The following TMEM161A variants were observed in gnomAD, a reference collection of about 807,000 sequenced individuals.
The protein encoded by TMEM161A is transmembrane protein 161A.
Under a neutral mutation model 57.1 loss-of-function variants are expected in TMEM161A, and 46 were observed. That is an observed-to-expected ratio of 0.81 (90% CI 0.64 to 1.03). The LOEUF (loss-of-function observed/expected upper bound fraction) is 1.03. Ranked by LOEUF, TMEM161A falls within the 50% of genes least tolerant of loss-of-function variation. The probability of loss-of-function intolerance (pLI) is 0.00; values close to 1 mark genes in which losing one functional copy is unlikely to be tolerated. For synonymous variants in TMEM161A, 288 were observed against 279.0 expected (o/e 1.03, Z -0.32); for missense variants, 601 against 621.5 (o/e 0.97, Z 0.35).
chr19:19,121,863 G>A lies in TMEM161A; in HGVS notation c.596-44C>T. On this transcript the variant is annotated intron_variant, in intron 6 of 11. Coordinates refer to ENST00000162044, the MANE Select transcript of TMEM161A (RefSeq NM_017814.3). The surrounding 1 kb of genome is among the most constrained non-coding windows in gnomAD (Gnocchi z 5.8). ...GGACCGAGTAGAGTGAATTCCTAGG[G>A]TCTCTAAGGCCACTCTGTTCCCTAA... is the stretch of plus-strand genomic sequence containing the variant. 6.2e-7 allele frequency: 1 copy of A among 1,605,896 alleles called. No individual in the cohort carries two copies. The highest frequency in any genetic ancestry group is 8.5e-7 in the Non-Finnish European group (1 of 1,175,126).
rs576781974 is a variant in TMEM161A, at chr19:19,132,759, G to A, written c.189-5C>T. 2.0e-5 allele frequency: 31 copies of A among 1,529,850 alleles called. No homozygotes were observed. The South Asian group carries it at 3.7e-4, about 18-fold the overall frequency. The allele number at this position is 1,529,850 out of a possible 1,614,324, so 94.8% of individuals were successfully genotyped here. A position where few individuals can be genotyped will look rare whatever the true frequency, so the allele number is the denominator to read the frequency against. On this transcript the variant is annotated splice_region_variant and splice_polypyrimidine_tract_variant and intron_variant, in intron 3 of 11. Transcript: ENST00000162044. The surrounding 1 kb of genome is among the most constrained non-coding windows in gnomAD (Gnocchi z 4.3). The stretch of plus-strand genomic sequence containing the variant: ...TCACTAAGGCCATTGGCCCACCTGG[G>A]AGGATGGTGACAAGCAAGAGGGACG...
chr19:19,121,741 C>A lies in TMEM161A; in HGVS notation c.656+18G>T. ...TCCCAGCCTGCCCTTGCCTCCCTCC[C>A]CCATTCCCAGGACTCACGCCCAGTC... On this transcript the variant is annotated intron_variant, in intron 7 of 11. Transcript: ENST00000162044. The surrounding 1 kb of genome is among the most constrained non-coding windows in gnomAD (Gnocchi z 5.8). 1 of 1,613,948 alleles carries A rather than the reference C, an allele frequency of 6.2e-7. No homozygotes were observed. The highest frequency in any genetic ancestry group is 8.5e-7 in the Non-Finnish European group (1 of 1,179,890).
Position 19,121,622 on chromosome 19 carries a change from C to A in TMEM161A, c.703G>T (p.Gly235Cys). The change falls in exon 8 of 12, where the codon GGC becomes TGC. Residue 235 changes from glycine (G) to cysteine (C), a missense_variant. Coordinates refer to ENST00000162044, the MANE Select transcript of TMEM161A (RefSeq NM_017814.3). This position sits in a 1 kb window ranked among gnomAD's most constrained non-coding sequence, Gnocchi z 5.8. The stretch of plus-strand genomic sequence containing the variant: ...GTGAGGAAGGCACCCAGCACAGAGC[C>A]CACCACTGCCAGTCCCACGCGGATA... The part of the protein sequence containing the change: ...LAIRVGLAVV[G>C]SVLGAFLTFP... 6.2e-7 allele frequency: 1 copy of A among 1,613,978 alleles called. No individual in the cohort carries two copies. Among genetic ancestry groups the A allele is most frequent in the Non-Finnish European group, 8.5e-7 (1 of 1,179,968 alleles).
In TMEM161A at chr19:19,121,353, C is replaced by T. The variant is rs766242839; in HGVS notation, c.869G>A (p.Arg290Gln). The change falls in exon 9 of 12, where the codon CGG becomes CAG. Residue 290 changes from arginine (R) to glutamine (Q), a missense_variant. Physicochemically the swap from Arg to Gln is conservative, Grantham distance 43. Coordinates refer to ENST00000162044, the MANE Select transcript of TMEM161A (RefSeq NM_017814.3). The surrounding 1 kb of genome is among the most constrained non-coding windows in gnomAD (Gnocchi z 5.8). ...AAACGGCGGCTGGTGCAGGAAGTCC[C>T]GTGCAATGGGCTTTGTCCAGAGCCA... is the stretch of plus-strand genomic sequence containing the variant. Reference protein sequence around the residue: ...ILWLWTKPIARDFLHQPPFGE... With the variant: ...ILWLWTKPIAQDFLHQPPFGE... The T allele has an allele frequency of 5.6e-6, 9 of 1,597,178 alleles. No individual in the cohort carries two copies. Among genetic ancestry groups the T allele is most frequent in the Non-Finnish European group, 7.7e-6 (9 of 1,172,578 alleles).
chr19:19,120,206 G>C (rs1568532216), intron 11 of TMEM161A, 23 bp from the exon 12 acceptor site: 4 of 1,513,378 alleles, frequency 2.6e-6, no homozygotes, highest in East Asian at 2.4e-5. Context: ...GATGAAGCGA[G>C]GTATGAGTGG....
At position 19,134,790 on chromosome 19, in the gene TMEM161A, T is replaced by A. The variant is rs752597547; in HGVS notation, c.101A>T (p.Asn34Ile). The change falls in exon 2 of 12, where the codon AAC becomes ATC. Residue 34 changes from asparagine to isoleucine, a missense_variant. Coordinates refer to ENST00000162044, the MANE Select transcript of TMEM161A (RefSeq NM_017814.3). The stretch of plus-strand genomic sequence containing the variant: ...CCGCCGGGGCGGGGCTCACCTGCCG[T>A]TACAGAGCAGCCAGCGCGCGAAGGA... ...HCSFARWLLC[N>I]GSLFRYKHPS... is the part of the protein sequence containing the mutation. 4 of 1,572,860 alleles carry A rather than the reference T, an allele frequency of 2.5e-6. No individual in the cohort carries two copies. Among genetic ancestry groups the A allele is most frequent in the Admixed American group, 1.9e-5 (1 of 54,048 alleles).
At chr19:19,135,079 G>A (rs2059978942) in intron 1 of TMEM161A, among the ~76,000 whole-genome samples, 192 bp from the exon 2 acceptor site, 1 of 150,982 alleles carries the variant, frequency 6.6e-6, no homozygotes, top group Admixed American at 6.6e-5. Flanking sequence ...GCCCTCCCAC[G>A]TCAGAGATCA....
At position 19,130,210 on chromosome 19, in the gene TMEM161A, C is replaced by G; in HGVS notation, c.541G>C (p.Ala181Pro). The G allele has an allele frequency of 1.9e-6, 3 of 1,613,966 alleles. No individual in the cohort carries two copies. The highest frequency in any genetic ancestry group is 2.5e-6 in the Non-Finnish European group (3 of 1,180,034). ...TCCCGCACCACTTGCACCAGCATGG[C>G]CAGCAGCAGGAAGAGGAAGGCAAAG... ...LTFAFLFLLL[A>P]MLVQVVREET... is the part of the protein sequence containing the mutation. Residue 181 changes from alanine to proline, a missense_variant, in exon 6 of 12, where the codon GCC becomes CCC. By Grantham distance (27) the Ala-to-Pro change is conservative. Coordinates refer to ENST00000162044, the MANE Select transcript of TMEM161A (RefSeq NM_017814.3).
At chr19:19,127,381 A>G (rs1413368831) in intron 6 of TMEM161A, among the ~76,000 whole-genome samples, 2 of 136,652 alleles carry the variant, frequency 1.5e-5, no homozygotes, top group East Asian at 2.2e-4. Context: ...GTGCAGTGGC[A>G]CTATCTAAGC....
chr19:19,133,447 A>T (rs577456280), intron 2 of TMEM161A: 352 of 490,788 alleles, frequency 7.2e-4, no homozygotes, highest in Middle Eastern at 1.6e-3. Context: ...CTCCTGGGGA[A>T]GCCAGTGTGT....
rs146248738 is a variant in TMEM161A, at chr19:19,136,458, C to T, written c.4-1571G>A. Among the ~76,000 whole-genome samples the T allele has an allele frequency of 2.5e-3, 380 of 152,012 alleles. 3 individuals carry two copies. The highest frequency in any genetic ancestry group is 8.4e-3 in the African/African-American group (348 of 41,468). On this transcript the variant is annotated intron_variant, in intron 1 of 11. Coordinates refer to ENST00000162044, the MANE Select transcript of TMEM161A (RefSeq NM_017814.3). ...ATCACTTGAGGTCAGGAGTTTGAGA[C>T]GAGCCTGGCCAACATGATGAAACCT... is the stretch of plus-strand genomic sequence containing the variant.
intron 6 of TMEM161A, among the ~76,000 whole-genome samples, chr19:19,125,112 G>A (rs2059924928): frequency 6.6e-6 from 1 of 152,062 alleles, no homozygotes; most frequent in South Asian, 2.1e-4. Flanking sequence ...AGAAAAGGAG[G>A]TACGCCAGTA....
chr19:19,133,062 C>A (rs1000352558), intron 3 of TMEM161A, 68 bp downstream of exon 3: 1 of 1,465,828 alleles, frequency 6.8e-7, no homozygotes, highest in Non-Finnish European at 9.4e-7. Context: ...GCCCCCTGAG[C>A]AGGGGTGAGG....
intron 6 of TMEM161A, among the ~76,000 whole-genome samples, chr19:19,127,139 G>C (rs1431603611): frequency 6.6e-6 from 1 of 152,058 alleles, no homozygotes; most frequent in African/African-American, 2.4e-5. Flanking sequence ...TAATCCAGCA[G>C]TTCCACTTCT....
chr19:19,133,310 G>A, intron 2 of TMEM161A, 100 bp from the exon 3 acceptor site: 1 of 1,068,590 alleles, frequency 9.4e-7, no homozygotes, highest in Non-Finnish European at 1.4e-6. Context: ...GGGTAGCCTA[G>A]GCCAGGGGAA....
chr19:19,129,444 G>T (rs1169338597), intron 6 of TMEM161A, among the ~76,000 whole-genome samples: 2 of 152,044 alleles, frequency 1.3e-5, no homozygotes, highest in Non-Finnish European at 2.9e-5. Context: ...CAAATTATAT[G>T]TTAAAAGGAT....
chr19:19,133,045 G>A, intron 3 of TMEM161A, 85 bp downstream of exon 3: 1 of 1,328,838 alleles, frequency 7.5e-7, no homozygotes, highest in Non-Finnish European at 1.0e-6. Flanking sequence ...GTGTCCCTGA[G>A]CCCAGAGCCC....
chr19:19,120,232 G>A lies in TMEM161A; in HGVS notation c.1187-49C>T, dbSNP rs770552099. The A allele has an allele frequency of 5.6e-5, 83 of 1,477,960 alleles. 1 individual carries two copies. In the Middle Eastern group the frequency reaches 2.8e-3, roughly 49 times the overall value. The allele number at this position is 1,477,960 out of a possible 1,614,324, so 91.6% of individuals were successfully genotyped here. A position where few individuals can be genotyped will look rare whatever the true frequency, so the allele number is the denominator to read the frequency against. On this transcript the variant is annotated intron_variant, in intron 11 of 11. Coordinates refer to ENST00000162044, the MANE Select transcript of TMEM161A (RefSeq NM_017814.3). ...GTATGAGTGGAAAAATGGGGGAGGG[G>A]GCGAGGGACAGGGCTGGCACGGGGG... is the stretch of plus-strand genomic sequence containing the variant.
Position 19,132,893 on chromosome 19 carries a change from T to TC in TMEM161A, c.189-140dup. 3.9e-6 allele frequency: 3 copies of TC among 775,384 alleles called. No homozygotes were observed. The highest frequency in any genetic ancestry group is 3.7e-4 in the Middle Eastern group (1 of 2,668). The allele number at this position is 775,384 out of a possible 1,614,324, so 48.0% of individuals were successfully genotyped here. ...TCCTCTGCACACTGGGATATGGGGA[T>TC]CCCCCCACCCACCCACAGGACTGGC... On this transcript the variant is annotated intron_variant, in intron 3 of 11. Coordinates refer to ENST00000162044, the MANE Select transcript of TMEM161A (RefSeq NM_017814.3). This position sits in a 1 kb window ranked among gnomAD's most constrained non-coding sequence, Gnocchi z 4.3.
Sources: allele counts gnomAD v4.1 joint callset (sites outside exome capture counted in the v4.1 genomes callset), GRCh38; gene constraint gnomAD v4.1.1; non-coding constraint Gnocchi (gnomAD v3.1); transcripts MANE v1.5; gene names NCBI Gene and HGNC (gene_info 2026-07-23, HGNC 2026-07-21).